UMOD: variants seen among roughly 807,000 people sequenced by gnomAD.
UMOD encodes Tamm-Horsfall urinary glycoprotein.
Under a neutral mutation model 66.0 loss-of-function variants are expected in UMOD, and 64 were observed. That is an observed-to-expected ratio of 0.97 (90% CI 0.79 to 1.19). The LOEUF is 1.19. Ranked by LOEUF, UMOD falls within the 50% of genes most tolerant of loss-of-function variation. The pLI, the probability that UMOD is intolerant of heterozygous loss-of-function variation, is 0.00. For missense variants in UMOD, 764 were observed against 850.9 expected, an observed-to-expected ratio of 0.90 and a Z score of 1.27; for synonymous variants, 398 against 352.7, an observed-to-expected ratio of 1.13 and a Z score of -1.44.
chr16:20,344,015 T>G lies in UMOD; in HGVS notation c.1331+9A>C. On this transcript the variant is annotated intron_variant, in intron 6 of 10. Coordinates refer to ENST00000396138, the MANE Select transcript of UMOD (RefSeq NM_003361.4). ...ATCTAGGGGCCCTAGGGACCCTCTC[T>G]GGCCACACCTGACCATTGGCTGTAG... is the stretch of plus-strand genomic sequence containing the variant. 1 of 1,613,398 alleles carries G rather than the reference T, an allele frequency of 6.2e-7. No homozygotes were observed. Among genetic ancestry groups the G allele is most frequent in the Non-Finnish European group, 8.5e-7 (1 of 1,179,984 alleles).
chr16:20,352,725 G>A (rs1965955933), upstream of UMOD: 3 of 1,231,664 alleles, frequency 2.4e-6, no homozygotes, highest in East Asian at 3.2e-5. Flanking sequence ...TGGTCATGAT[G>A]TGCCTCATAC....
chr16:20,345,254 T>C (rs1331571571), intron 5 of UMOD, among the ~76,000 whole-genome samples: 1 of 152,128 alleles, frequency 6.6e-6, no homozygotes, highest in Admixed American at 6.6e-5. Flanking sequence ...CCTCAAGTTA[T>C]CCACCCGCCT....
At chr16:20,345,066 T>G (rs1218042149) in intron 5 of UMOD, among the ~76,000 whole-genome samples, 2 of 152,194 alleles carry the variant, frequency 1.3e-5, no homozygotes, top group African/African-American at 4.8e-5. Flanking sequence ...CAGGCTGGAG[T>G]GCAGTGGTGC....
Position 20,348,287 on chromosome 16 carries a change from G to T in UMOD, c.909C>A (p.Asp303Glu), listed in dbSNP as rs1002670314. 15 of 1,614,100 alleles carry T rather than the reference G, an allele frequency of 9.3e-6. No individual in the cohort carries two copies. In the African/African-American group the frequency reaches 1.7e-4, roughly 19 times the overall value. The change falls in exon 4 of 11, where the codon GAC (aspartate) becomes GAA (glutamate). Residue 303 changes from aspartate (D) to glutamate (E), a missense_variant. Coordinates refer to ENST00000396138, the MANE Select transcript of UMOD (RefSeq NM_003361.4). ...VEGTCEECSI[D>E]EDCKSNNGRW... Reference sequence around the variant, plus strand: ...TGCCATTATTCGATTTGCAGTCCTCGTCTATACTGCACTCCTCACACGTCC... The same window carrying T: ...TGCCATTATTCGATTTGCAGTCCTCTTCTATACTGCACTCCTCACACGTCC...
rs1377829582 is a variant in UMOD at position 20,344,264 on chromosome 16, T to C, written c.1183-92A>G. 17 of 1,324,942 alleles carry C rather than the reference T, an allele frequency of 1.3e-5. No homozygotes were observed. In the Admixed American group the frequency reaches 1.7e-4, roughly 13 times the overall value. The allele number at this position is 1,324,942 out of a possible 1,614,324, so 82.1% of individuals were successfully genotyped here. On this transcript the variant is annotated intron_variant, in intron 5 of 10. Transcript: ENST00000396138. ...GACTTCAAAGCTAAATCTGCTGGTC[T>C]CATGTCTGGCTACTTGTGAGCCGCT...
At chr16:20,346,623 T>C (rs985946771) in intron 4 of UMOD, among the ~76,000 whole-genome samples, 3 of 152,152 alleles carry the variant, frequency 2.0e-5, no homozygotes, top group Admixed American at 6.5e-5. Flanking sequence ...TAAATAACAA[T>C]GAATACTCGT....
chr16:20,348,309 G>A lies in UMOD; in HGVS notation c.887C>T (p.Thr296Met). ...CTCGTCTATACTGCACTCCTCACAC[G>A]TCCCCTCCACGGAGCTGGGGTCTGC... ...YCTDPSSVEGTCEECSIDEDC... is the reference protein window; with the variant it reads ...YCTDPSSVEGMCEECSIDEDC... Residue 296 changes from threonine (T) to methionine (M), a missense_variant, in exon 4 of 11, where the codon ACG (threonine) becomes ATG (methionine). By Grantham distance (81) the Thr-to-Met change is moderately conservative. Transcript: ENST00000396138. 1 of 1,614,160 alleles carries A rather than the reference G, an allele frequency of 6.2e-7. No individual in the cohort carries two copies. The highest frequency in any genetic ancestry group is 2.2e-5 in the East Asian group (1 of 44,890).
chr16:20,347,489 G>A (rs1368850039), intron 4 of UMOD, among the ~76,000 whole-genome samples: 1 of 152,148 alleles, frequency 6.6e-6, no homozygotes, highest in Non-Finnish European at 1.5e-5. Flanking sequence ...CACAACTGCT[G>A]AAATTTAGTA....
Position 20,333,350 on chromosome 16 carries a change from C to G in UMOD, c.1887G>C (p.Leu629=). The G allele has an allele frequency of 6.2e-7, 1 of 1,613,146 alleles. No individual in the cohort carries two copies. Among genetic ancestry groups the G allele is most frequent in the Non-Finnish European group, 8.5e-7 (1 of 1,179,684 alleles). The change falls in exon 11 of 11, where the codon CTG becomes CTC. Residue 629 remains leucine, a synonymous_variant. Transcript: ENST00000396138. ...TCAGGGTCAAGGTGGCCGAGAGAAG[C>G]AGAGGCAGCCAGACTTTCAGGAGCC... ...SLGLLKVWLP[L]LLSATLTLTF...
upstream of UMOD, among the ~76,000 whole-genome samples, chr16:20,353,172 T>C (rs553073011): frequency 6.6e-6 from 1 of 152,166 alleles, no homozygotes; most frequent in Non-Finnish European, 1.5e-5. Flanking sequence ...GGCACCCTTC[T>C]GAAACACCCA....
chr16:20,337,565 C>T, intron 7 of UMOD, 112 bp from the exon 8 acceptor site: 1 of 1,292,732 alleles, frequency 7.7e-7, no homozygotes, highest in Non-Finnish European at 1.1e-6. Context: ...CTTTGGGCAA[C>T]TTATTTAATC....
upstream of UMOD, chr16:20,352,867 G>A: frequency 1.6e-6 from 1 of 611,328 alleles, no homozygotes; most frequent in Non-Finnish European, 2.4e-6. Context: ...TCCAAGCTGT[G>A]AGGTTGTTGT....
At chr16:20,336,502 G>A in intron 9 of UMOD, 144 bp downstream of exon 9, 1 of 736,670 alleles carries the variant, frequency 1.4e-6, no homozygotes, top group Non-Finnish European at 2.4e-6. Context: ...AAGGCAGTCT[G>A]TATTCCACCT....
intron 7 of UMOD, among the ~76,000 whole-genome samples, chr16:20,339,967 T>C (rs1012848315): frequency 6.6e-6 from 1 of 152,116 alleles, no homozygotes; most frequent in South Asian, 2.1e-4. Context: ...TGTGTCCTAG[T>C]TTCAATTGGC....
chr16:20,346,699 G>A (rs548622677), intron 4 of UMOD, among the ~76,000 whole-genome samples: 73 of 152,306 alleles, frequency 4.8e-4, no homozygotes, highest in Non-Finnish European at 5.6e-4. Flanking sequence ...GGGAGGCCAA[G>A]GCAGACAGAT....
Position 20,333,447 on chromosome 16 carries a change from C to T in UMOD, c.1862-72G>A, listed in dbSNP as rs970634977. The T allele has an allele frequency of 1.5e-5, 22 of 1,435,034 alleles. No homozygotes were observed. In the Admixed American group the frequency reaches 1.9e-4, roughly 13 times the overall value. The allele number at this position is 1,435,034 out of a possible 1,614,324, so 88.9% of individuals were successfully genotyped here. A position where few individuals can be genotyped will look rare whatever the true frequency, so the allele number is the denominator to read the frequency against. On this transcript the variant is annotated intron_variant, in intron 10 of 10. Transcript: ENST00000396138. ...TTGTGCAAATTAACATAAGCTGCCT[C>T]GTCTAGGCTGACCAATCAGAAGAGG...
intron 10 of UMOD, among the ~76,000 whole-genome samples, chr16:20,333,642 AG>A (rs1353745336): frequency 3.9e-5 from 6 of 152,196 alleles, no homozygotes; most frequent in African/African-American, 1.4e-4. Context: ...AACCATCCTT[AG>A]AGACCTTGGG....
chr16:20,349,575 CA>C (rs972858927), intron 2 of UMOD: 42 of 1,244,174 alleles, frequency 3.4e-5, no homozygotes, highest in Non-Finnish European at 4.2e-5. Context: ...CTCAGCTTCC[CA>C]AAAAGTTGGG....
upstream of UMOD, among the ~76,000 whole-genome samples, chr16:20,355,873 A>G (rs974699514): frequency 6.6e-6 from 1 of 152,166 alleles, no homozygotes; most frequent in African/African-American, 2.4e-5. Context: ...GAAGAAGACA[A>G]GTTCAGAGAG....
Sources: gnomAD v4.1 joint callset for allele counts (sites outside exome capture counted in the v4.1 genomes callset) on GRCh38, gnomAD v4.1.1 for gene constraint, MANE v1.5 for transcripts, NCBI Gene and HGNC (gene_info 2026-07-23, HGNC 2026-07-21) for gene names.